The following SEMA3B variants were observed in gnomAD, a reference collection of about 807,000 sequenced individuals.
SEMA3B encodes the protein semaphorin 3B, also known as semaphorin-3B.
SEMA3B carries 71 observed loss-of-function variants against 77.8 expected under a neutral mutation model. The observed-to-expected ratio is 0.91, with a 90% CI of 0.75 to 1.11. SEMA3B has a LOEUF of 1.11. Ranked by LOEUF, SEMA3B falls within the 50% of genes most tolerant of loss-of-function variation. The probability of loss-of-function intolerance (pLI) is 0.00; values close to 1 mark genes in which losing one functional copy is unlikely to be tolerated. For missense variants in SEMA3B, 968 were observed against 1,056.8 expected, an observed-to-expected ratio of 0.92 and a Z score of 1.17; for synonymous variants, 470 against 452.9, an observed-to-expected ratio of 1.04 and a Z score of -0.48.
At chr3:50,272,831 G>A (rs1421998034) in intron 6 of SEMA3B, among the ~76,000 whole-genome samples, 1 of 107,544 alleles carries the variant, frequency 9.3e-6, no homozygotes, top group Non-Finnish European at 1.8e-5. Context: ...GAGCGAGACT[G>A]TCTCAAAAAA....
Position 50,273,720 on chromosome 3 carries a change from G to T in SEMA3B, c.923-39G>T. On this transcript the variant is annotated intron_variant, in intron 8 of 16. Transcript: ENST00000616701. This position sits in a 1 kb window ranked among gnomAD's most constrained non-coding sequence, Gnocchi z 6.5. ...ACTCCGGGAGCCCCCGCCGCAGCGG[G>T]GCTGTGCGCCCTACCCCAGCTAGGC... The T allele has an allele frequency of 6.2e-7, 1 of 1,604,450 alleles. No individual in the cohort carries two copies. Among genetic ancestry groups the T allele is most frequent in the Non-Finnish European group, 8.5e-7 (1 of 1,178,816 alleles).
chr3:50,270,964 C>T lies in SEMA3B; in HGVS notation c.405C>T (p.Ala135=). 3 of 1,611,180 alleles carry T rather than the reference C, an allele frequency of 1.9e-6. No individual in the cohort carries two copies. Among genetic ancestry groups the T allele is most frequent in the African/African-American group, 1.3e-5 (1 of 74,994 alleles). ...RTHLLACGTG[A]FHPTCAFVEV... is the part of the protein sequence containing the mutation. Reference sequence around the variant, plus strand: ...ATTTGCTGGCCTGTGGCACGGGAGCCTTCCACCCAACCTGTGCCTTTGTGG... The same window carrying T: ...ATTTGCTGGCCTGTGGCACGGGAGCTTTCCACCCAACCTGTGCCTTTGTGG... The change falls in exon 4 of 17, where the codon GCC becomes GCT. Residue 135 remains alanine (A), a synonymous_variant. Transcript: ENST00000616701. The surrounding 1 kb of genome is among the most constrained non-coding windows in gnomAD (Gnocchi z 4.7).
Position 50,273,907 on chromosome 3 carries a change from C to T in SEMA3B, c.993-6C>T. 6.3e-7 allele frequency: 1 copy of T among 1,597,460 alleles called. No homozygotes were observed. The highest frequency in any genetic ancestry group is 8.6e-7 in the Non-Finnish European group (1 of 1,168,848). The stretch of plus-strand genomic sequence containing the variant: ...CCCCTCACCTCGCCCTGGTCTTCGC[C>T]TCCAGCAGCATCTTCCAGGGCTCTG... On this transcript the variant is annotated splice_polypyrimidine_tract_variant and splice_region_variant and intron_variant, in intron 9 of 16. Transcript: ENST00000616701. This position sits in a 1 kb window ranked among gnomAD's most constrained non-coding sequence, Gnocchi z 6.5.
chr3:50,274,194 C>G lies in SEMA3B; in HGVS notation c.1137+137C>G, dbSNP rs1701144390. 4.2e-6 allele frequency: 6 copies of G among 1,414,644 alleles called. No homozygotes were observed. The Admixed American group carries it at 1.2e-4, about 28-fold the overall frequency. The allele number at this position is 1,414,644 out of a possible 1,614,324, so 87.6% of individuals were successfully genotyped here. On this transcript the variant is annotated intron_variant, in intron 10 of 16. Coordinates refer to ENST00000616701, the MANE Select transcript of SEMA3B (RefSeq NM_001290060.2). This position sits in a 1 kb window ranked among gnomAD's most constrained non-coding sequence, Gnocchi z 4.7. ...AAAACGTTTCCATCATAAGACAAGG[C>G]TTGTTTCCCGCCTCTGACTTCCTAG...
rs587664907 is a variant in SEMA3B at position 50,275,063 on chromosome 3, C to T, written c.1491+10C>T. 3.8e-6 allele frequency: 6 copies of T among 1,578,802 alleles called. No homozygotes were observed. The highest frequency in any genetic ancestry group is 1.7e-5 in the Admixed American group (1 of 58,362). On this transcript the variant is annotated intron_variant, in intron 13 of 16. Coordinates refer to ENST00000616701, the MANE Select transcript of SEMA3B (RefSeq NM_001290060.2). This position sits in a 1 kb window ranked among gnomAD's most constrained non-coding sequence, Gnocchi z 7.5. ...AATTTCTTCCAAGAGGGTGAGTGACCAGGATGGGGGTCGGGGTGGGATGGA... is the reference window on the plus strand; with the variant it reads ...AATTTCTTCCAAGAGGGTGAGTGACTAGGATGGGGGTCGGGGTGGGATGGA...
Position 50,270,026 on chromosome 3 carries a change from G to T in SEMA3B, c.110-101G>T. The T allele has an allele frequency of 7.7e-7, 1 of 1,294,364 alleles. No individual in the cohort carries two copies. The highest frequency in any genetic ancestry group is 1.5e-5 in the South Asian group (1 of 65,322). The allele number at this position is 1,294,364 out of a possible 1,614,324, so 80.2% of individuals were successfully genotyped here. A position where few individuals can be genotyped will look rare whatever the true frequency, so the allele number is the denominator to read the frequency against. On this transcript the variant is annotated intron_variant, in intron 1 of 16. Transcript: ENST00000616701. The surrounding 1 kb of genome is among the most constrained non-coding windows in gnomAD (Gnocchi z 4.7). Reference sequence around the variant, plus strand: ...TGTAAACTCACATGTGTACAGGCCAGGTCCTAATGGCAACCTTGGCCGATA... The same window carrying T: ...TGTAAACTCACATGTGTACAGGCCATGTCCTAATGGCAACCTTGGCCGATA...
Position 50,276,417 on chromosome 3 carries a change from C to G in SEMA3B, c.1961C>G (p.Pro654Arg). 1.3e-6 allele frequency: 2 copies of G among 1,536,542 alleles called. No homozygotes were observed. The highest frequency in any genetic ancestry group is 1.7e-6 in the Non-Finnish European group (2 of 1,145,894). The change falls in exon 17 of 17, where the codon CCG (proline) becomes CGG (arginine). Residue 654 changes from proline to arginine, a missense_variant. By Grantham distance (103) the Pro-to-Arg change is moderately radical (BLOSUM62 -2). Transcript: ENST00000616701. The surrounding 1 kb of genome is among the most constrained non-coding windows in gnomAD (Gnocchi z 5.8). Reference sequence around the variant, plus strand: ...GCCGTCGAGCAGGGCTTTACGCAACCGCTGCGTCGCCTGTCGCTGCACGTG... The same window carrying G: ...GCCGTCGAGCAGGGCTTTACGCAACGGCTGCGTCGCCTGTCGCTGCACGTG... ...CAAVEQGFTQ[P>R]LRRLSLHVLS...
chr3:50,275,399 G>A lies in SEMA3B; in HGVS notation c.1589G>A (p.Arg530His). The A allele has an allele frequency of 6.3e-7, 1 of 1,596,074 alleles. No homozygotes were observed. The highest frequency in any genetic ancestry group is 8.5e-7 in the Non-Finnish European group (1 of 1,172,040). The change falls in exon 14 of 17, where the codon CGT becomes CAT. Residue 530 changes from arginine to histidine, a missense_variant. Transcript: ENST00000616701. This position sits in a 1 kb window ranked among gnomAD's most constrained non-coding sequence, Gnocchi z 7.5. Reference sequence around the variant, plus strand: ...GTCTGCACCGAATGCTGTCTGGCGCGTGACCCCTACTGCGCCTGGGACGGG... The same window carrying A: ...GTCTGCACCGAATGCTGTCTGGCGCATGACCCCTACTGCGCCTGGGACGGG... ...GRVCTECCLARDPYCAWDGVA... is the reference protein window; with the variant it reads ...GRVCTECCLAHDPYCAWDGVA...
Position 50,276,870 on chromosome 3 carries a change from T to C in SEMA3B, c.*164T>C, listed in dbSNP as rs1433783542. 2.1e-5 allele frequency: 17 copies of C among 808,254 alleles called. No individual in the cohort carries two copies. The highest frequency in any genetic ancestry group is 3.1e-5 in the Non-Finnish European group (17 of 555,752). 50.1% of individuals were successfully genotyped at this position (808,254 alleles called of 1,614,324 possible). On this transcript the variant is annotated 3_prime_UTR_variant, in exon 17 of 17. Transcript: ENST00000616701. The surrounding 1 kb of genome is among the most constrained non-coding windows in gnomAD (Gnocchi z 5.8). ...GGCTGAGGGCAGCTGCGCGGGCTTA[T>C]TTATTAACAGGATAACCCTTGAATG...
upstream of SEMA3B, among the ~76,000 whole-genome samples, chr3:50,268,403 T>G (rs1252298462): frequency 6.6e-6 from 1 of 152,258 alleles, no homozygotes; most frequent in Admixed American, 6.5e-5. Context: ...TGCACACGTT[T>G]GCACATGCAC....
upstream of SEMA3B, chr3:50,269,013 T>C (rs1700970820): frequency 1.7e-6 from 1 of 579,170 alleles, no homozygotes; most frequent in Non-Finnish European, 3.1e-6. This position sits in a 1 kb window ranked among gnomAD's most constrained non-coding sequence, Gnocchi z 4.0. Context: ...GTGTCTGTGA[T>C]TGTGGCCAGG....
Position 50,274,721 on chromosome 3 carries a change from C to T in SEMA3B, c.1358-122C>T. 2 of 1,392,032 alleles carry T rather than the reference C, an allele frequency of 1.4e-6. No homozygotes were observed. The highest frequency in any genetic ancestry group is 2.0e-6 in the Non-Finnish European group (2 of 1,011,094). 86.2% of individuals were successfully genotyped at this position (1,392,032 alleles called of 1,614,324 possible). On this transcript the variant is annotated intron_variant, in intron 11 of 16. Coordinates refer to ENST00000616701, the MANE Select transcript of SEMA3B (RefSeq NM_001290060.2). This position sits in a 1 kb window ranked among gnomAD's most constrained non-coding sequence, Gnocchi z 4.7. ...CCCTGTGGATGCTGCCCAACCCACACTCTTCCAGTCCACACTCTTCACAAC... is the reference window on the plus strand; with the variant it reads ...CCCTGTGGATGCTGCCCAACCCACATTCTTCCAGTCCACACTCTTCACAAC...
intron 6 of SEMA3B, among the ~76,000 whole-genome samples, chr3:50,272,482 G>T (rs991287428): frequency 6.6e-6 from 1 of 151,684 alleles, no homozygotes; most frequent in African/African-American, 2.4e-5. Context: ...AGGCTGAGGC[G>T]GGCGGATCAC....
chr3:50,275,538 G>A lies in SEMA3B; in HGVS notation c.1650-22G>A. The A allele has an allele frequency of 6.2e-7, 1 of 1,613,712 alleles. No homozygotes were observed. Among genetic ancestry groups the A allele is most frequent in the Non-Finnish European group, 8.5e-7 (1 of 1,179,888 alleles). On this transcript the variant is annotated intron_variant, in intron 14 of 16. Coordinates refer to ENST00000616701, the MANE Select transcript of SEMA3B (RefSeq NM_001290060.2). The surrounding 1 kb of genome is among the most constrained non-coding windows in gnomAD (Gnocchi z 7.5). The stretch of plus-strand genomic sequence containing the variant: ...CCCGGGGCTGAAAGAAGGGCTCACA[G>A]AAGATCGGATGTTCCCCACAGGCGG...
chr3:50,271,900 G>A (rs1196405329), intron 6 of SEMA3B, among the ~76,000 whole-genome samples: 6 of 152,202 alleles, frequency 3.9e-5, no homozygotes, highest in Admixed American at 3.9e-4. Context: ...AGGCCTGGAT[G>A]CAAGAACAAG....
chr3:50,273,862 G>A lies in SEMA3B; in HGVS notation c.992+34G>A. On this transcript the variant is annotated intron_variant, in intron 9 of 16. Coordinates refer to ENST00000616701, the MANE Select transcript of SEMA3B (RefSeq NM_001290060.2). The surrounding 1 kb of genome is among the most constrained non-coding windows in gnomAD (Gnocchi z 6.5). Reference sequence around the variant, plus strand: ...CAGGAGGTAGGGAGCGCCCGGGGCGGGCCGCTGGGCTCCACCCGGCCCCTC... The same window carrying A: ...CAGGAGGTAGGGAGCGCCCGGGGCGAGCCGCTGGGCTCCACCCGGCCCCTC... 1 of 1,566,870 alleles carries A rather than the reference G, an allele frequency of 6.4e-7. No individual in the cohort carries two copies. The highest frequency in any genetic ancestry group is 1.2e-5 in the South Asian group (1 of 86,562).
chr3:50,267,365 TG>T (rs1700919410), upstream of SEMA3B: 1 of 152,958 alleles, frequency 6.5e-6, no homozygotes, highest in East Asian at 1.9e-4. This position sits in a 1 kb window ranked among gnomAD's most constrained non-coding sequence, Gnocchi z 5.7. Context: ...CCCCTGGAGC[TG>T]GGGTTTCTTC....
Position 50,273,946 on chromosome 3 carries a change from C to T in SEMA3B, c.1026C>T (p.Tyr342=), listed in dbSNP as rs1553705971. Reference sequence around the variant, plus strand: ...TCCAGGGCTCTGCGGTGTGCGTGTACAGCATGAACGACGTGCGCCGGGCCT... The same window carrying T: ...TCCAGGGCTCTGCGGTGTGCGTGTATAGCATGAACGACGTGCGCCGGGCCT... ...SIFQGSAVCV[Y]SMNDVRRAFL... is the part of the protein sequence containing the mutation. Residue 342 remains tyrosine (Y), a synonymous_variant, in exon 10 of 17, where the codon TAC becomes TAT. Coordinates refer to ENST00000616701, the MANE Select transcript of SEMA3B (RefSeq NM_001290060.2). This position sits in a 1 kb window ranked among gnomAD's most constrained non-coding sequence, Gnocchi z 6.5. 1.2e-6 allele frequency: 2 copies of T among 1,613,354 alleles called. No homozygotes were observed. Among genetic ancestry groups the T allele is most frequent in the South Asian group, 2.2e-5 (2 of 91,040 alleles).
Position 50,269,387 on chromosome 3 carries a change from G to T in SEMA3B, c.109+38G>T. The T allele has an allele frequency of 1.6e-6, 2 of 1,280,646 alleles. No homozygotes were observed. The highest frequency in any genetic ancestry group is 1.5e-5 in the South Asian group (1 of 67,640). The allele number at this position is 1,280,646 out of a possible 1,614,324, so 79.3% of individuals were successfully genotyped here. The stretch of plus-strand genomic sequence containing the variant: ...GGCAGGCGGGAGGGCCCAGCTTGAG[G>T]TGGGCAGGAAAGGGTCCCCGTATGG... On this transcript the variant is annotated intron_variant, in intron 1 of 16. Transcript: ENST00000616701. This position sits in a 1 kb window ranked among gnomAD's most constrained non-coding sequence, Gnocchi z 4.0.
Sources: gnomAD v4.1 joint callset for allele counts (sites outside exome capture counted in the v4.1 genomes callset) on GRCh38, gnomAD v4.1.1 for gene constraint, Gnocchi (gnomAD v3.1) non-coding constraint, MANE v1.5 for transcripts, NCBI Gene and HGNC (gene_info 2026-07-23, HGNC 2026-07-21) for gene names.